The following CEP112 variants were observed in gnomAD, a reference collection of about 807,000 sequenced individuals.
The protein encoded by CEP112 is centrosomal protein 112.
CEP112 carries 127 observed loss-of-function variants against 153.0 expected under a neutral mutation model. The observed-to-expected ratio is 0.83, with a 90% CI of 0.72 to 0.96. The LOEUF is 0.96. CEP112 is among the 40% of genes least tolerant of loss of function. The probability of loss-of-function intolerance (pLI) is 0.00; values close to 1 mark genes in which losing one functional copy is unlikely to be tolerated. For synonymous variants in CEP112, 358 were observed against 374.4 expected (o/e 0.96, Z 0.51); for missense variants, 1,089 against 1,101.2 (o/e 0.99, Z 0.16).
chr17:65,778,082 C>T (rs2053787212), intron 21 of CEP112, among the ~76,000 whole-genome samples: 1 of 152,180 alleles, frequency 6.6e-6, no homozygotes, highest in African/African-American at 2.4e-5. Flanking sequence ...AAGGATCAGT[C>T]CTGCTTACCA....
rs181508680 is a variant in CEP112 at position 66,020,565 on chromosome 17, T to C, written c.1656+6936A>G. ...TAAACAAGATGGTGGTATTACAAAG[T>C]GTTTTTTAACATTTTGTGATATAAA... On this transcript the variant is annotated intron_variant, in intron 16 of 26. Coordinates refer to ENST00000535342, the MANE Select transcript of CEP112 (RefSeq NM_001199165.4). Among the ~76,000 whole-genome samples the C allele has an allele frequency of 1.8e-4, 27 of 152,302 alleles. No individual in the cohort carries two copies. In the East Asian group the frequency reaches 3.7e-3, roughly 21 times the overall value.
intron 17 of CEP112, among the ~76,000 whole-genome samples, chr17:65,965,518 C>CCA: frequency 8.2e-6 from 1 of 122,074 alleles, no homozygotes; most frequent in South Asian, 2.7e-4. Context: ...CTTCTGCCCC[C>CCA]TTTTTTTTTT....
intron 24 of CEP112, among the ~76,000 whole-genome samples, chr17:65,671,103 C>T (rs1220393147): frequency 3.3e-5 from 5 of 151,338 alleles, no homozygotes. Context: ...GGTTGTTTGG[C>T]TGAGAAGGGG....
chr17:66,001,996 T>C (rs1482794777), intron 17 of CEP112, among the ~76,000 whole-genome samples: 1 of 152,216 alleles, frequency 6.6e-6, no homozygotes, highest in Non-Finnish European at 1.5e-5. Flanking sequence ...ATTTAATACA[T>C]ATGTAGAACA....
intron 19 of CEP112, among the ~76,000 whole-genome samples, chr17:65,917,212 T>A (rs1383308221): frequency 6.6e-6 from 1 of 152,174 alleles, no homozygotes; most frequent in South Asian, 2.1e-4. Flanking sequence ...ATTGCATTTG[T>A]CTTGATCACC....
At chr17:65,969,065 T>G (rs757433134) in intron 17 of CEP112, among the ~76,000 whole-genome samples, 1 of 136,710 alleles carries the variant, frequency 7.3e-6, no homozygotes, top group Admixed American at 8.4e-5. Context: ...CAGTTTTTTG[T>G]TTTTTTGTGT....
rs1568313848 is a variant in CEP112, at chr17:65,970,396, G to GCACACAT, written c.1737-8799_1737-8798insATGTGTG. On this transcript the variant is annotated intron_variant, in intron 17 of 26. Transcript: ENST00000535342. ...CACACATCATGCATATATATTACATGCATGCACACATCATGCATGTATATT... is the reference window on the plus strand; with the variant it reads ...CACACATCATGCATATATATTACATGCACACATCATGCACACATCATGCATGTATATT... 1.3e-3 allele frequency among the ~76,000 whole-genome samples: 4 copies of GCACACAT among 3,138 alleles called. 1 individual carries two copies. The highest frequency in any genetic ancestry group is 4.3e-3 in the African/African-American group (4 of 922). 2.1% of individuals were successfully genotyped at this position (3,138 alleles called of 152,430 possible). A position where few individuals can be genotyped will look rare whatever the true frequency, so the allele number is the denominator to read the frequency against.
chr17:66,113,314 A>G (rs11869695), intron 6 of CEP112, among the ~76,000 whole-genome samples: 7,348 of 152,212 alleles, frequency 0.048, 235 homozygotes, highest in African/African-American at 0.07. Context: ...TTTTGTATAA[A>G]GCAGCATAGG....
chr17:66,183,230 T>A lies in CEP112; in HGVS notation c.70A>T (p.Met24Leu), dbSNP rs747258738. 6.2e-7 allele frequency: 1 copy of A among 1,611,254 alleles called. No individual in the cohort carries two copies. The highest frequency in any genetic ancestry group is 1.7e-5 in the Admixed American group (1 of 59,806). Residue 24 changes from methionine to leucine, a missense_variant, in exon 2 of 27, where the codon ATG (methionine) becomes TTG (leucine). Met to Leu is a conservative substitution (Grantham distance 15, BLOSUM62 2). Transcript: ENST00000535342. ...GGTAATTTTAGAACAAAGGGCTTCA[T>A]ATCAACCACAAAGTGATCAAATTCT... ...DAEFDHFVVD[M>L]KPFVLKLPHR...
intron 21 of CEP112, among the ~76,000 whole-genome samples, chr17:65,783,983 A>T (rs1162502946): frequency 6.6e-6 from 1 of 152,252 alleles, no homozygotes; most frequent in Admixed American, 6.5e-5. Flanking sequence ...ATTATTTTAT[A>T]ACATGTAGAT....
At chr17:66,122,779 G>A (rs2069661148) in intron 6 of CEP112, among the ~76,000 whole-genome samples, 1 of 152,152 alleles carries the variant, frequency 6.6e-6, no homozygotes, top group Admixed American at 6.5e-5. Context: ...AGATGCTGAG[G>A]TAGTCTCTGA....
intron 12 of CEP112, among the ~76,000 whole-genome samples, chr17:66,041,098 T>A (rs867976704): frequency 2.0e-5 from 3 of 146,462 alleles, no homozygotes; most frequent in Admixed American, 6.8e-5. Flanking sequence ...AATGGCTTGG[T>A]AAAAAAAAAA....
In CEP112 at chr17:66,132,746, C is replaced by G; in HGVS notation, c.488G>C (p.Gly163Ala). ...TDVYSREQYT[G>A]KLRVRSHSLS... The stretch of plus-strand genomic sequence containing the variant: ...GGAGTGTGATCTCACTCGGAGCTTC[C>G]CAGTGTACTGTTCCCTGCTAAGAGA... Residue 163 changes from glycine (G) to alanine (A), a missense_variant, in exon 5 of 27, where the codon GGG (glycine) becomes GCG (alanine). Gly to Ala is a moderately conservative substitution (Grantham distance 60). Transcript: ENST00000535342. 1 of 1,613,388 alleles carries G rather than the reference C, an allele frequency of 6.2e-7. No homozygotes were observed. Among genetic ancestry groups the G allele is most frequent in the South Asian group, 1.1e-5 (1 of 91,056 alleles).
At chr17:65,850,153 CAAAAAAAAAAAAAA>C (rs57086665) in intron 21 of CEP112, among the ~76,000 whole-genome samples, 2 of 35,716 alleles carry the variant, frequency 5.6e-5, no homozygotes, top group African/African-American at 2.0e-4. Context: ...GACTCTGTCT[CAAAAAAAAAAAAAA>C]AAAAAAAAAA....
chr17:66,185,785 C>T (rs117336023), intron 1 of CEP112, among the ~76,000 whole-genome samples: 5,194 of 152,228 alleles, frequency 0.034, 130 homozygotes, highest in Middle Eastern at 0.061. Context: ...ATTCTATATT[C>T]GGTGAAAAGC....
At chr17:65,923,812 T>C (rs1217721112) in intron 19 of CEP112, among the ~76,000 whole-genome samples, 6 of 152,146 alleles carry the variant, frequency 3.9e-5, no homozygotes, top group African/African-American at 1.4e-4. Context: ...TTGAGACACA[T>C]ATGTTTTAAT....
At chr17:65,776,780 TATAA>T (rs35163505) in intron 21 of CEP112, among the ~76,000 whole-genome samples, 80,045 of 151,614 alleles carry the variant, frequency 0.53, 22,949 homozygotes, top group Non-Finnish European at 0.66. Context: ...TAGAGATTTT[TATAA>T]ATATTGTCAC....
At chr17:65,768,726 G>A (rs933497859) in intron 21 of CEP112, among the ~76,000 whole-genome samples, 1 of 152,026 alleles carries the variant, frequency 6.6e-6, no homozygotes, top group African/African-American at 2.4e-5. Context: ...ATTCAATACA[G>A]CTCGATGTCT....
At chr17:65,920,221 G>C (rs911229519) in intron 19 of CEP112, among the ~76,000 whole-genome samples, 1 of 150,164 alleles carries the variant, frequency 6.7e-6, no homozygotes, top group Non-Finnish European at 1.5e-5. Flanking sequence ...GGCGTACCAC[G>C]TGTAATCCCA....
Sources: allele counts gnomAD v4.1 joint callset (sites outside exome capture counted in the v4.1 genomes callset), GRCh38; gene constraint gnomAD v4.1.1; transcripts MANE v1.5; gene names NCBI Gene and HGNC (gene_info 2026-07-23, HGNC 2026-07-21).